LRRC42: variants seen among roughly 807,000 people sequenced by gnomAD.
LRRC42 encodes the protein leucine rich repeat containing 42, also known as leucine-rich repeat-containing protein 42.
Under a neutral mutation model 44.3 loss-of-function variants are expected in LRRC42, and 43 were observed. The ratio of observed to expected loss-of-function variants is 0.97; its 90% confidence interval spans 0.76 to 1.25. The LOEUF is 1.25. Ranked by LOEUF, LRRC42 falls within the 50% of genes most tolerant of loss-of-function variation. LRRC42 has a pLI of 0.00. For synonymous variants in LRRC42, 207 were observed against 195.2 expected (o/e 1.06, Z -0.50); for missense variants, 540 against 509.1 (o/e 1.06, Z -0.58).
intron 2 of LRRC42, among the ~76,000 whole-genome samples, chr1:53,949,317 A>G (rs887555572): frequency 6.6e-6 from 1 of 152,186 alleles, no homozygotes. Context: ...TGTTTGTGGA[A>G]GGCACTGTTA....
intron 4 of LRRC42, among the ~76,000 whole-genome samples, chr1:53,959,009 TG>T (rs1200102523): frequency 6.6e-6 from 1 of 152,106 alleles, no homozygotes; most frequent in Non-Finnish European, 1.5e-5. Context: ...CTCAGCCTCC[TG>T]ATAGCTGGGA....
At chr1:53,956,712 A>G (rs1654851288) in intron 3 of LRRC42, among the ~76,000 whole-genome samples, 2 of 152,218 alleles carry the variant, frequency 1.3e-5, no homozygotes, top group African/African-American at 4.8e-5. Context: ...GTGGCCTAAC[A>G]TGTTTGTTCC....
chr1:53,952,613 T>A, intron 3 of LRRC42, 141 bp downstream of exon 3: 1 of 628,242 alleles, frequency 1.6e-6, no homozygotes, highest in African/African-American at 1.8e-5. Context: ...AAAGACCATA[T>A]TGAAAAAAAT....
intron 2 of LRRC42, 102 bp downstream of exon 2, chr1:53,947,923 G>C (rs752988525): frequency 3.9e-5 from 6 of 152,124 alleles, no homozygotes; most frequent in Non-Finnish European, 8.8e-5. Flanking sequence ...CTTGAGCTTT[G>C]GAGTAATGCG....
At chr1:53,960,578 C>T (rs1325862984) in intron 5 of LRRC42, 104 bp downstream of exon 5, 2 of 842,760 alleles carry the variant, frequency 2.4e-6, no homozygotes, top group African/African-American at 3.4e-5. Flanking sequence ...GGAAAGGTGA[C>T]TTTCCTCGGT....
chr1:53,953,595 A>G (rs1056273481), intron 3 of LRRC42, among the ~76,000 whole-genome samples: 1 of 151,940 alleles, frequency 6.6e-6, no homozygotes, highest in East Asian at 1.9e-4. Flanking sequence ...TCCTGACCTC[A>G]TGATCCTCCC....
At chr1:53,956,811 C>G (rs985632531) in intron 3 of LRRC42, among the ~76,000 whole-genome samples, 1 of 152,206 alleles carries the variant, frequency 6.6e-6, no homozygotes, top group South Asian at 2.1e-4. Flanking sequence ...TACTAAAAAT[C>G]TTTTGGTTAA....
At chr1:53,947,112 G>T (rs1247691191) in intron 1 of LRRC42, among the ~76,000 whole-genome samples, 1 of 151,064 alleles carries the variant, frequency 6.6e-6, no homozygotes, top group Non-Finnish European at 1.5e-5. Flanking sequence ...GGAGTGGGGG[G>T]TGGAGGAGTG....
chr1:53,965,384 A>G (rs1655101655), intron 7 of LRRC42, among the ~76,000 whole-genome samples: 1 of 151,816 alleles, frequency 6.6e-6, no homozygotes. Context: ...ATAATAAACA[A>G]ATATTAAATT....
intron 7 of LRRC42, among the ~76,000 whole-genome samples, chr1:53,965,604 C>G (rs977200696): frequency 2.0e-5 from 3 of 151,618 alleles, no homozygotes; most frequent in African/African-American, 7.3e-5. Context: ...CCCAGCCTCC[C>G]GAGTAGCTGG....
At position 53,967,751 on chromosome 1, in the gene LRRC42, A is replaced by G. The variant is rs770252097; in HGVS notation, c.1099A>G (p.Lys367Glu). Residue 367 changes from lysine (K) to glutamate (E), a missense_variant, in exon 9 of 9, where the codon AAA becomes GAA. Coordinates refer to ENST00000371370, the MANE Select transcript of LRRC42 (RefSeq NM_001256409.2). Reference protein sequence around the residue: ...MNSSEKLQFYKEKAPDCHGPV... With the variant: ...MNSSEKLQFYEEKAPDCHGPV... ...CTCTTCCGAGAAACTCCAGTTCTATAAAGAGAAAGCCCCAGATTGCCATGG... is the reference window on the plus strand; with the variant it reads ...CTCTTCCGAGAAACTCCAGTTCTATGAAGAGAAAGCCCCAGATTGCCATGG... 4.3e-6 allele frequency: 7 copies of G among 1,614,208 alleles called. No individual in the cohort carries two copies. The highest frequency in any genetic ancestry group is 1.1e-5 in the South Asian group (1 of 91,082).
At chr1:53,950,433 A>G (rs1161677069) in intron 2 of LRRC42, among the ~76,000 whole-genome samples, 1 of 152,220 alleles carries the variant, frequency 6.6e-6, no homozygotes, top group Non-Finnish European at 1.5e-5. Flanking sequence ...AGAAACATGG[A>G]TAGTACTGAT....
chr1:53,949,529 CA>C (rs1428026605), intron 2 of LRRC42, among the ~76,000 whole-genome samples: 2 of 152,168 alleles, frequency 1.3e-5, no homozygotes, highest in African/African-American at 4.8e-5. Context: ...TGTTAAATGA[CA>C]GGGATAAAGA....
chr1:53,961,048 A>G (rs936134077), intron 5 of LRRC42, among the ~76,000 whole-genome samples: 1 of 152,190 alleles, frequency 6.6e-6, no homozygotes, highest in South Asian at 2.1e-4. Context: ...ACTACCAGTT[A>G]TATACCTTCA....
intron 8 of LRRC42, among the ~76,000 whole-genome samples, chr1:53,966,725 A>G (rs571581965): frequency 6.6e-6 from 1 of 152,280 alleles, no homozygotes; most frequent in South Asian, 2.1e-4. Context: ...ATAAATGGAT[A>G]AACAAAATGT....
chr1:53,948,517 T>C (rs1654588189), intron 2 of LRRC42, among the ~76,000 whole-genome samples: 1 of 152,234 alleles, frequency 6.6e-6, no homozygotes, highest in African/African-American at 2.4e-5. Flanking sequence ...CATACATGAT[T>C]GTAATATTTT....
At chr1:53,949,934 A>C (rs553322317) in intron 2 of LRRC42, among the ~76,000 whole-genome samples, 21 of 152,338 alleles carry the variant, frequency 1.4e-4, no homozygotes, top group Non-Finnish European at 2.5e-4. Flanking sequence ...TTGAGGTCTT[A>C]CCCTTCCTTT....
chr1:53,958,861 CA>C (rs1654919697), intron 4 of LRRC42, among the ~76,000 whole-genome samples: 1 of 151,852 alleles, frequency 6.6e-6, no homozygotes, highest in Admixed American at 6.6e-5. Context: ...GCTGGGATTA[CA>C]GGCGTCAGCC....
chr1:53,968,057 A>G lies in LRRC42; in HGVS notation c.*118A>G, dbSNP rs1655179285. On this transcript the variant is annotated 3_prime_UTR_variant, in exon 9 of 9. Transcript: ENST00000371370. ...TATGGCATTAGCATAGTAAGCAGAT[A>G]TTTCTACTTTTGTGGTGTGGGAGGG... The G allele has an allele frequency of 9.2e-7, 1 of 1,089,368 alleles. No individual in the cohort carries two copies. The highest frequency in any genetic ancestry group is 1.3e-6 in the Non-Finnish European group (1 of 754,274). 67.5% of individuals were successfully genotyped at this position (1,089,368 alleles called of 1,614,324 possible). A position where few individuals can be genotyped will look rare whatever the true frequency, so the allele number is the denominator to read the frequency against.
Sources: gnomAD v4.1 joint callset for allele counts (sites outside exome capture counted in the v4.1 genomes callset) on GRCh38, gnomAD v4.1.1 for gene constraint, MANE v1.5 for transcripts, NCBI Gene and HGNC (gene_info 2026-07-23, HGNC 2026-07-21) for gene names.